RANBP2: variants seen among roughly 807,000 people sequenced by gnomAD.
RANBP2 encodes the protein RAN binding protein 2.
In RANBP2, 57 loss-of-function variants were observed where a neutral mutation model predicts 303.6. The ratio of observed to expected loss-of-function variants is 0.19; its 90% CI spans 0.15 to 0.23. The LOEUF (loss-of-function observed/expected upper bound fraction) is 0.23, where lower values mean the gene tolerates loss of function less well. Ranked by LOEUF, RANBP2 falls within the 10% of genes least tolerant of loss-of-function variation. The pLI, the probability that RANBP2 is intolerant of heterozygous loss-of-function variation, is 1.00. For synonymous variants in RANBP2, 1,167 were observed against 1,301.5 expected (o/e 0.90, Z 2.23); for missense variants, 3,138 against 3,780.8 (o/e 0.83, Z 4.46).
chr2:109,440,808 C>T, the RANBP2 span, among the ~76,000 whole-genome samples: 1 of 152,152 alleles, frequency 6.6e-6, no homozygotes, highest in African/African-American at 2.4e-5. Flanking sequence ...GCCCTGAGAT[C>T]TTCAGGTGAC....
At chr2:109,372,541 A>G in the RANBP2 span, among the ~76,000 whole-genome samples, 5 of 152,344 alleles carry the variant, frequency 3.3e-5, no homozygotes, top group East Asian at 9.6e-4. Context: ...TCTTCTCAGC[A>G]ACACTGGCAT....
the RANBP2 span, among the ~76,000 whole-genome samples, chr2:109,089,620 A>G: frequency 0.22 from 33,184 of 151,912 alleles, 5,185 homozygotes; most frequent in East Asian, 0.64. Context: ...AGAGAAACAG[A>G]ACAAAAAACC....
the RANBP2 span, among the ~76,000 whole-genome samples, chr2:109,570,653 C>T: frequency 1.3e-5 from 2 of 151,880 alleles, no homozygotes; most frequent in Non-Finnish European, 1.5e-5. Context: ...TCCCGAGTAG[C>T]TGGGATTACA....
the RANBP2 span, chr2:109,613,758 G>A: frequency 2.5e-5 from 30 of 1,195,092 alleles, no homozygotes; most frequent in Non-Finnish European, 3.1e-5. Context: ...GCGGGGGCCG[G>A]GGAGCGCGGG....
chr2:108,740,479 C>T lies in RANBP2; in HGVS notation c.783-10C>T. On this transcript the variant is annotated splice_polypyrimidine_tract_variant and intron_variant, in intron 6 of 28. Coordinates refer to ENST00000283195, the MANE Select transcript of RANBP2 (RefSeq NM_006267.5). The stretch of plus-strand genomic sequence containing the variant: ...GTGTGTATTATCTGTTTGATATTTT[C>T]ATATTACAGTTTTGATAGTGCTCTT... The T allele has an allele frequency of 1.3e-6, 2 of 1,597,464 alleles. No homozygotes were observed. Among genetic ancestry groups the T allele is most frequent in the Middle Eastern group, 2.3e-4 (1 of 4,426 alleles).
At chr2:109,383,788 T>A in the RANBP2 span, among the ~76,000 whole-genome samples, 1 of 152,166 alleles carries the variant, frequency 6.6e-6, no homozygotes, top group African/African-American at 2.4e-5. Context: ...AGAGTCTTAG[T>A]TTGAAGCTCT....
At chr2:109,558,208 TC>T in the RANBP2 span, among the ~76,000 whole-genome samples, 1 of 152,172 alleles carries the variant, frequency 6.6e-6, no homozygotes, top group African/African-American at 2.4e-5. Context: ...TCAAGAAAAG[TC>T]CTTTCCTTCA....
chr2:109,251,995 C>T, the RANBP2 span, among the ~76,000 whole-genome samples: 1 of 152,118 alleles, frequency 6.6e-6, no homozygotes, highest in African/African-American at 2.4e-5. Flanking sequence ...ATAATCCCAC[C>T]ACTTTGGGAG....
At chr2:109,095,349 G>A in the RANBP2 span, among the ~76,000 whole-genome samples, 4 of 152,238 alleles carry the variant, frequency 2.6e-5, no homozygotes, top group Non-Finnish European at 5.9e-5. Context: ...TACATACAAT[G>A]TGTAGGGAAA....
chr2:108,816,412 C>T, the RANBP2 span, among the ~76,000 whole-genome samples: 1 of 151,990 alleles, frequency 6.6e-6, no homozygotes. Context: ...GATTGCAGCA[C>T]TGCACTCCAG....
chr2:108,738,326 C>T (rs1299057330), intron 6 of RANBP2, among the ~76,000 whole-genome samples: 4 of 151,972 alleles, frequency 2.6e-5, no homozygotes, highest in East Asian at 3.9e-4. Context: ...CCGCCCGCCT[C>T]GGCCTCCCAA....
intron 8 of RANBP2, among the ~76,000 whole-genome samples, chr2:108,747,982 G>C (rs570838373): frequency 5.5e-4 from 83 of 152,104 alleles, no homozygotes; most frequent in Non-Finnish European, 8.7e-4. Context: ...CTCAGCCTTG[G>C]CAACTGCTAA....
chr2:108,772,414 A>G, intron 21 of RANBP2, 75 bp from the exon 22 acceptor site: 1 of 1,105,360 alleles, frequency 9.0e-7, no homozygotes, highest in Non-Finnish European at 1.4e-6. Context: ...GAAATGGTGA[A>G]GTTGGAGGTA....
chr2:108,840,237 T>G, the RANBP2 span, among the ~76,000 whole-genome samples: 3 of 152,194 alleles, frequency 2.0e-5, no homozygotes, highest in Non-Finnish European at 4.4e-5. Flanking sequence ...TATTAACAAA[T>G]TCTATTTGCT....
chr2:108,817,236 C>T, the RANBP2 span, among the ~76,000 whole-genome samples: 1 of 152,004 alleles, frequency 6.6e-6, no homozygotes, highest in Non-Finnish European at 1.5e-5. Context: ...TCAACCCCCT[C>T]TTGCTGGCTT....
chr2:109,088,578 T>C, the RANBP2 span, among the ~76,000 whole-genome samples: 36 of 152,020 alleles, frequency 2.4e-4, no homozygotes, highest in African/African-American at 8.7e-4. Flanking sequence ...AGTGGTACGA[T>C]CTTGGCTCAC....
the RANBP2 span, among the ~76,000 whole-genome samples, chr2:109,511,692 G>A: frequency 1.3e-5 from 2 of 152,376 alleles, no homozygotes; most frequent in South Asian, 2.1e-4. Flanking sequence ...GTGACCCAAC[G>A]TGAGACCAGG....
At chr2:109,007,543 A>G in the RANBP2 span, among the ~76,000 whole-genome samples, 3 of 152,216 alleles carry the variant, frequency 2.0e-5, no homozygotes, top group African/African-American at 4.8e-5. Flanking sequence ...GAGGTCTGAG[A>G]GTAGCCTGCC....
chr2:109,451,852 G>C, the RANBP2 span, among the ~76,000 whole-genome samples: 2 of 152,240 alleles, frequency 1.3e-5, no homozygotes. Context: ...GCAGAAGTGC[G>C]TAGGCCACGC....
Sources: allele counts gnomAD v4.1 joint callset (sites outside exome capture counted in the v4.1 genomes callset), GRCh38; gene constraint gnomAD v4.1.1; transcripts MANE v1.5; gene names NCBI Gene and HGNC (gene_info 2026-07-23, HGNC 2026-07-21).